LINGO2: variants seen among roughly 807,000 people sequenced by gnomAD.
LINGO2 encodes the protein leucine-rich repeat and immunoglobulin-like domain-containing nogo receptor-interacting protein 2.
A neutral mutation model predicts 30.6 loss-of-function variants in LINGO2; 14 were observed. The ratio of observed to expected loss-of-function variants is 0.46; its 90% CI spans 0.30 to 0.72. LINGO2 has a LOEUF of 0.72. Ranked by LOEUF, LINGO2 falls within the 30% of genes least tolerant of loss-of-function variation. The pLI, the probability that LINGO2 is intolerant of heterozygous loss-of-function variation, is 0.07. For missense variants in LINGO2, 729 were observed against 751.7 expected, an observed-to-expected ratio of 0.97 and a Z score of 0.35; for synonymous variants, 317 against 288.5, an observed-to-expected ratio of 1.10 and a Z score of -1.00.
At chr9:29,157,800 A>C in the LINGO2 span, among the ~76,000 whole-genome samples, 6 of 152,252 alleles carry the variant, frequency 3.9e-5, no homozygotes, top group African/African-American at 1.2e-4. Context: ...AAGCAAGCTC[A>C]AATTTTGAAT....
chr9:29,141,540 A>C, the LINGO2 span, among the ~76,000 whole-genome samples: 3 of 151,912 alleles, frequency 2.0e-5, no homozygotes, highest in Non-Finnish European at 4.4e-5. Flanking sequence ...CAATTAAGAA[A>C]ATGGTCCTGT....
At chr9:28,160,803 C>A (rs1025198904) in intron 4 of LINGO2, among the ~76,000 whole-genome samples, 2 of 152,176 alleles carry the variant, frequency 1.3e-5, no homozygotes, top group Non-Finnish European at 2.9e-5. Flanking sequence ...AACTGAGTAT[C>A]AGGTACTACA....
intron 4 of LINGO2, among the ~76,000 whole-genome samples, chr9:28,050,351 A>G (rs995400465): frequency 6.6e-6 from 1 of 150,748 alleles, no homozygotes; most frequent in Non-Finnish European, 1.5e-5. Context: ...TTAAAGCCCC[A>G]TATCTGGAGT....
At chr9:28,487,799 G>A (rs969823826) in intron 1 of LINGO2, among the ~76,000 whole-genome samples, 2 of 152,034 alleles carry the variant, frequency 1.3e-5, no homozygotes, top group African/African-American at 2.4e-5. Flanking sequence ...GCCATTAACC[G>A]AAACTCATTA....
chr9:28,490,177 C>T (rs1384210172), intron 1 of LINGO2, among the ~76,000 whole-genome samples: 1 of 152,026 alleles, frequency 6.6e-6, no homozygotes, highest in Non-Finnish European at 1.5e-5. Context: ...GTTAGGGGAG[C>T]AGGCCCAGTG....
the LINGO2 span, among the ~76,000 whole-genome samples, chr9:28,685,977 A>ATGTGTG: frequency 0.084 from 12,242 of 145,580 alleles, 621 homozygotes; most frequent in Admixed American, 0.19. Flanking sequence ...AACATATATG[A>ATGTGTG]TGTGTGTGTG....
At chr9:28,198,274 C>A (rs1820089883) in intron 4 of LINGO2, among the ~76,000 whole-genome samples, 1 of 151,250 alleles carries the variant, frequency 6.6e-6, no homozygotes, top group African/African-American at 2.4e-5. Flanking sequence ...ACTCTAAAAG[C>A]CTGTTACAGA....
At chr9:28,359,597 C>T (rs1820363214) in intron 3 of LINGO2, among the ~76,000 whole-genome samples, 1 of 152,018 alleles carries the variant, frequency 6.6e-6, no homozygotes, top group South Asian at 2.1e-4. Context: ...TGACAGAATG[C>T]AAATATATTT....
intron 4 of LINGO2, among the ~76,000 whole-genome samples, chr9:28,238,151 AAGAG>A (rs34878831): frequency 1.3e-5 from 2 of 150,044 alleles, no homozygotes; most frequent in East Asian, 2.0e-4. Context: ...ATTAGAACTA[AAGAG>A]AGAGAGAGAG....
chr9:28,805,736 C>G, the LINGO2 span, among the ~76,000 whole-genome samples: 2 of 152,124 alleles, frequency 1.3e-5, no homozygotes, highest in African/African-American at 4.8e-5. Flanking sequence ...TGTCCCTCAA[C>G]AGTCCCTGTA....
intron 4 of LINGO2, among the ~76,000 whole-genome samples, chr9:28,076,142 C>A (rs1444506852): frequency 6.6e-6 from 1 of 152,092 alleles, no homozygotes; most frequent in Non-Finnish European, 1.5e-5. Context: ...TCTGGTACCA[C>A]AATTCACCCC....
At chr9:28,939,498 T>C in the LINGO2 span, among the ~76,000 whole-genome samples, 22 of 152,294 alleles carry the variant, frequency 1.4e-4, no homozygotes, top group African/African-American at 4.8e-4. Context: ...CTTTAAACTC[T>C]TTCTGCTGCC....
At chr9:28,369,741 T>A (rs138380042) in intron 3 of LINGO2, among the ~76,000 whole-genome samples, 2 of 152,168 alleles carry the variant, frequency 1.3e-5, no homozygotes, top group African/African-American at 4.8e-5. Context: ...AAGGTTTTGA[T>A]GAAGATTTGA....
chr9:29,165,795 G>A, the LINGO2 span, among the ~76,000 whole-genome samples: 4 of 152,032 alleles, frequency 2.6e-5, no homozygotes, highest in South Asian at 2.1e-4. Flanking sequence ...ATGAAAAATC[G>A]TGCAAAGGAA....
chr9:29,071,061 T>C, the LINGO2 span, among the ~76,000 whole-genome samples: 1 of 150,672 alleles, frequency 6.6e-6, no homozygotes, highest in African/African-American at 2.4e-5. Flanking sequence ...TACAGACCCA[T>C]ACATATTATA....
upstream of LINGO2, among the ~76,000 whole-genome samples, chr9:28,673,024 T>C (rs1377022886): frequency 6.6e-6 from 1 of 152,104 alleles, no homozygotes; most frequent in African/African-American, 2.4e-5. Flanking sequence ...GAAAACTAAA[T>C]GGTCAAGTGA....
the LINGO2 span, among the ~76,000 whole-genome samples, chr9:28,795,559 C>G: frequency 6.6e-6 from 1 of 151,238 alleles, no homozygotes; most frequent in African/African-American, 2.4e-5. Flanking sequence ...TGCATATATA[C>G]CTTTAATATA....
the LINGO2 span, among the ~76,000 whole-genome samples, chr9:28,723,544 A>T: frequency 1.3e-5 from 2 of 152,070 alleles, no homozygotes; most frequent in African/African-American, 4.8e-5. Flanking sequence ...GCTCTTTGTT[A>T]TGGATTACAA....
chr9:28,493,821 C>A (rs150804661), intron 1 of LINGO2, among the ~76,000 whole-genome samples: 1 of 152,098 alleles, frequency 6.6e-6, no homozygotes, highest in Non-Finnish European at 1.5e-5. Flanking sequence ...TGTGGAAGAA[C>A]GTGCAAAGAC....
Sources: gnomAD v4.1 joint callset for allele counts (sites outside exome capture counted in the v4.1 genomes callset) on GRCh38, gnomAD v4.1.1 for gene constraint, MANE v1.5 for transcripts, NCBI Gene and HGNC (gene_info 2026-07-23, HGNC 2026-07-21) for gene names.